Variants in PDE4DIP observed in about 807,000 individuals in gnomAD.
PDE4DIP encodes the protein myomegalin.
Under a neutral mutation model 221.4 loss-of-function variants are expected in PDE4DIP, and 59 were observed. The observed-to-expected ratio is 0.27, with a 90% CI of 0.22 to 0.33. The LOEUF is 0.33. PDE4DIP is among the 10% of genes least tolerant of loss of function. PDE4DIP has a pLI of 1.00. For synonymous variants in PDE4DIP, 404 were observed against 815.9 expected (o/e 0.50, Z 8.60); for missense variants, 1,036 against 2,154.2 (o/e 0.48, Z 10.28).
chr1:149,021,793 A>G (rs1234034665), intron 37 of PDE4DIP: 48 of 146,902 alleles, frequency 3.3e-4, no homozygotes, highest in South Asian at 4.7e-4. Context: ...AAATACCACT[A>G]ATAGGACCTA....
chr1:148,967,683 G>A (rs1287448651), intron 12 of PDE4DIP, 43 bp from the exon 16 acceptor site: 1 of 825,602 alleles, frequency 1.2e-6, no homozygotes. Context: ...GAGGAGTATG[G>A]GGTAATCATT....
At chr1:148,963,670 T>C (rs1353330636) in intron 9 of PDE4DIP, among the ~76,000 whole-genome samples, 1 of 151,914 alleles carries the variant, frequency 6.6e-6, no homozygotes, top group African/African-American at 2.4e-5. Context: ...CTGTTTTTTA[T>C]TTTTTATTTT....
At chr1:149,017,926 T>A in intron 34 of PDE4DIP, 47 bp downstream of exon 37, 1 of 1,506,330 alleles carries the variant, frequency 6.6e-7, no homozygotes, top group Non-Finnish European at 9.2e-7. Flanking sequence ...TTTAGGGACT[T>A]TTAGGCAGAG....
In PDE4DIP at chr1:148,968,822, C is replaced by T; in HGVS notation, c.1786-14C>T. The T allele has an allele frequency of 6.3e-7, 1 of 1,592,554 alleles. No homozygotes were observed. Among genetic ancestry groups the T allele is most frequent in the Non-Finnish European group, 8.6e-7 (1 of 1,163,458 alleles). ...TCTTTCCTCCAGAAGCTTACAGTGT[C>T]CTTTCTGCATTAGGATCTTAGTGCA... is the stretch of plus-strand genomic sequence containing the variant. On this transcript the variant is annotated splice_polypyrimidine_tract_variant and intron_variant, in intron 13 of 43. Transcript: ENST00000369354.
At chr1:148,820,586 A>T (rs1282048982) in intron 1 of PDE4DIP, among the ~76,000 whole-genome samples, 1 of 142,106 alleles carries the variant, frequency 7.0e-6, no homozygotes, top group African/African-American at 2.6e-5. Context: ...AAAAAGAAAG[A>T]AAGTAGTTGT....
At chr1:148,859,578 T>G (rs1358850937) in intron 1 of PDE4DIP, among the ~76,000 whole-genome samples, 7 of 152,134 alleles carry the variant, frequency 4.6e-5, no homozygotes, top group Admixed American at 1.3e-4. Flanking sequence ...AAGCAAAATT[T>G]TAAGTGAAAG....
intron 43 of PDE4DIP, 169 bp downstream of exon 46, chr1:149,030,447 C>T (rs76267931): frequency 1.8e-5 from 18 of 984,950 alleles, no homozygotes; most frequent in South Asian, 1.4e-4. Context: ...TAGTTTCTGT[C>T]CCCATCACCC....
intron 4 of PDE4DIP, among the ~76,000 whole-genome samples, chr1:148,937,415 C>T (rs1297965814): frequency 1.1e-4 from 17 of 152,050 alleles, no homozygotes; most frequent in Admixed American, 5.9e-4. Context: ...ATCCAAGAAC[C>T]GTTTATTGAA....
intron 21 of PDE4DIP, among the ~76,000 whole-genome samples, chr1:148,989,576 G>C (rs2062601289): frequency 6.6e-6 from 1 of 152,202 alleles, no homozygotes; most frequent in Non-Finnish European, 1.5e-5. Flanking sequence ...ATGGTCCTGG[G>C]ATGTGGGCCC....
chr1:148,980,117 A>C (rs2060838474), intron 20 of PDE4DIP, among the ~76,000 whole-genome samples: 1 of 152,266 alleles, frequency 6.6e-6, no homozygotes. Context: ...TTTGTGTCTA[A>C]AACAATGCCT....
intron 5 of PDE4DIP, among the ~76,000 whole-genome samples, chr1:148,958,116 T>C (rs2488978): frequency 0.13 from 10,605 of 81,984 alleles, 975 homozygotes; most frequent in East Asian, 0.22. Flanking sequence ...CCTGTTATAC[T>C]CACAACAACA....
intron 23 of PDE4DIP, among the ~76,000 whole-genome samples, chr1:149,000,565 AT>A (rs1428153548): frequency 1.2e-4 from 18 of 146,034 alleles, no homozygotes; most frequent in African/African-American, 4.5e-4. Context: ...AAAAAAAAAA[AT>A]AAATAAATAA....
exon 24 of PDE4DIP, chr1:149,001,831 T>G (rs1553577823): frequency 1.9e-6 from 3 of 1,588,806 alleles, no homozygotes; most frequent in East Asian, 2.2e-5. Flanking sequence ...TTGTGCTGAG[T>G]AGCAAGGAAG....
At chr1:149,000,724 G>T (rs2065451953) in intron 23 of PDE4DIP, among the ~76,000 whole-genome samples, 1 of 151,246 alleles carries the variant, frequency 6.6e-6, no homozygotes, top group African/African-American at 2.4e-5. Flanking sequence ...TGACTTCCCT[G>T]TTAGACCCTG....
Position 148,990,368 on chromosome 1 carries a change from C to T in PDE4DIP, c.2816-1517C>T, listed in dbSNP as rs587732041. The T allele has an allele frequency of 3.8e-4, 379 of 984,924 alleles. 3 individuals are homozygous for T. The South Asian group carries it at 6.4e-3, about 17-fold the overall frequency. The allele number at this position is 984,924 out of a possible 1,614,324, so 61.0% of individuals were successfully genotyped here. On this transcript the variant is annotated intron_variant, in intron 21 of 43. Coordinates refer to ENST00000369354, the Ensembl canonical transcript of PDE4DIP. ...GATGAGATGAGCATTTATTTGTCTCCGTCGAATTCCTTACGGAGATAAGGT... is the reference window on the plus strand; with the variant it reads ...GATGAGATGAGCATTTATTTGTCTCTGTCGAATTCCTTACGGAGATAAGGT...
At chr1:148,918,136 GT>G (rs1309306963) in intron 1 of PDE4DIP, among the ~76,000 whole-genome samples, 1 of 79,474 alleles carries the variant, frequency 1.3e-5, no homozygotes, top group Non-Finnish European at 2.5e-5. Flanking sequence ...GGGTGCTGTA[GT>G]TTCACATAGA....
rs782501864 is a variant in PDE4DIP at position 148,978,536 on chromosome 1, A to T, written c.2574+121A>T. ...AGGCTAGTCTTGAACTCCTGACTGC[A>T]AGTGATCCATCCTCCTCGGCCCCTC... On this transcript the variant is annotated intron_variant, in intron 19 of 43. Transcript: ENST00000369354. 1.7e-5 allele frequency: 11 copies of T among 635,344 alleles called. No individual in the cohort carries two copies. In the South Asian group the frequency reaches 2.5e-4, roughly 14 times the overall value. The allele number at this position is 635,344 out of a possible 1,614,324, so 39.4% of individuals were successfully genotyped here. A position where few individuals can be genotyped will look rare whatever the true frequency, so the allele number is the denominator to read the frequency against.
At chr1:149,000,012 C>T (rs1575120429) in intron 23 of PDE4DIP, among the ~76,000 whole-genome samples, 1 of 151,716 alleles carries the variant, frequency 6.6e-6, no homozygotes, top group Non-Finnish European at 1.5e-5. Flanking sequence ...ATCCCCTTTC[C>T]ACATCCCAGT....
chr1:149,028,891 C>G (rs1371761832), intron 41 of PDE4DIP, among the ~76,000 whole-genome samples, 188 bp downstream of exon 44: 2 of 152,032 alleles, frequency 1.3e-5, no homozygotes, highest in African/African-American at 4.8e-5. Context: ...CATTACAGCT[C>G]TGAATATATC....
Sources: gnomAD v4.1 joint callset for allele counts (sites outside exome capture counted in the v4.1 genomes callset) on GRCh38, gnomAD v4.1.1 for gene constraint, MANE v1.5 for transcripts, NCBI Gene and HGNC (gene_info 2026-07-23, HGNC 2026-07-21) for gene names.